Variants in RUNX2 observed in about 807,000 individuals in gnomAD.
RUNX2 encodes the protein RUNX family transcription factor 2.
A neutral mutation model predicts 51.7 loss-of-function variants in RUNX2; 10 were observed. That is an observed-to-expected ratio of 0.19 (90% confidence interval 0.12 to 0.33). The LOEUF is 0.33. RUNX2 is among the 10% of genes least tolerant of loss of function. RUNX2 has a pLI of 1.00. For synonymous variants in RUNX2, 276 were observed against 273.6 expected, an observed-to-expected ratio of 1.01 and a Z score of -0.09; for missense variants, 562 against 691.3, an observed-to-expected ratio of 0.81 and a Z score of 2.10.
rs541492192 is a variant in RUNX2, at chr6:45,432,188, G to A, written c.580+169G>A. On this transcript the variant is annotated intron_variant, in intron 4 of 8. Coordinates refer to ENST00000647337, the MANE Select transcript of RUNX2 (RefSeq NM_001024630.4). ...GTTGAGTGTTTTTCTGAGTACTCAG[G>A]CCTTTTTCATTTATTTTATGATATT... 2.9e-4 allele frequency among the ~76,000 whole-genome samples: 44 copies of A among 152,198 alleles called. 1 individual carries two copies. The South Asian group carries it at 5.8e-3, about 20-fold the overall frequency.
chr6:45,443,934 T>C (rs1798914737), intron 5 of RUNX2, among the ~76,000 whole-genome samples: 1 of 152,136 alleles, frequency 6.6e-6, no homozygotes, highest in Non-Finnish European at 1.5e-5. Flanking sequence ...CACTGCAACC[T>C]CCATCTTCCA....
chr6:45,404,345 T>G (rs937002660), intron 2 of RUNX2, among the ~76,000 whole-genome samples: 1 of 150,738 alleles, frequency 6.6e-6, no homozygotes, highest in Non-Finnish European at 1.5e-5. Flanking sequence ...CATAAGAATC[T>G]GCAAGTGCAA....
chr6:45,508,049 T>G (rs1168416235), intron 6 of RUNX2, among the ~76,000 whole-genome samples: 10 of 152,126 alleles, frequency 6.6e-5, no homozygotes, highest in African/African-American at 2.4e-4. Flanking sequence ...TCACACAGTC[T>G]GGAAATGGTG....
Position 45,549,104 on chromosome 6 carries a change from A to G in RUNX2, c.*1799A>G, listed in dbSNP as rs1380192289. The G allele has an allele frequency of 5.0e-6, 2 of 398,438 alleles. No individual in the cohort carries two copies. 24.7% of individuals were successfully genotyped at this position (398,438 alleles called of 1,614,324 possible). On this transcript the variant is annotated 3_prime_UTR_variant, in exon 9 of 9. Coordinates refer to ENST00000647337, the MANE Select transcript of RUNX2 (RefSeq NM_001024630.4). Reference sequence around the variant, plus strand: ...GAGCTAGAGTCCTTCTGTGGCATGCACTTTGACCACTCCTGGCAGTCACAT... The same window carrying G: ...GAGCTAGAGTCCTTCTGTGGCATGCGCTTTGACCACTCCTGGCAGTCACAT...
chr6:45,328,572 T>G (rs1330349051), intron 1 of RUNX2, 89 bp from the exon 2 acceptor site: 3 of 1,580,624 alleles, frequency 1.9e-6, no homozygotes, highest in Non-Finnish European at 2.6e-6. Context: ...CTACATAATT[T>G]CTTGACAGAA....
chr6:45,328,843 G>C, intron 2 of RUNX2, 59 bp downstream of exon 2: 1 of 1,533,920 alleles, frequency 6.5e-7, no homozygotes, highest in South Asian at 1.1e-5. Flanking sequence ...ATAAAGGTAT[G>C]ATTCTTTGAT....
At chr6:45,329,246 T>C (rs142729645) in intron 2 of RUNX2, among the ~76,000 whole-genome samples, 282 of 152,094 alleles carry the variant, frequency 1.9e-3, no homozygotes, top group African/African-American at 6.5e-3. Flanking sequence ...TGGTCTACCA[T>C]GTATAACACA....
At chr6:45,418,361 T>C (rs1305809517) in intron 2 of RUNX2, among the ~76,000 whole-genome samples, 1 of 151,690 alleles carries the variant, frequency 6.6e-6, no homozygotes, top group Non-Finnish European at 1.5e-5. Context: ...TTAAAGGACA[T>C]GGTAGGGAGT....
chr6:45,515,531 G>C (rs1433251105), intron 7 of RUNX2, among the ~76,000 whole-genome samples: 1 of 152,116 alleles, frequency 6.6e-6, no homozygotes, highest in Non-Finnish European at 1.5e-5. Flanking sequence ...AGTCAAATTA[G>C]ATTAGATAAA....
intron 8 of RUNX2, among the ~76,000 whole-genome samples, chr6:45,546,259 A>C: frequency 6.6e-6 from 1 of 152,174 alleles, no homozygotes; most frequent in Non-Finnish European, 1.5e-5. Context: ...ACTGTTGCTA[A>C]GATGAGACCT....
chr6:45,504,440 C>T (rs1800896509), intron 6 of RUNX2, among the ~76,000 whole-genome samples: 1 of 152,154 alleles, frequency 6.6e-6, no homozygotes, highest in Non-Finnish European at 1.5e-5. Flanking sequence ...CAAGCCTGCA[C>T]AGTTAGTGCC....
chr6:45,342,807 A>G (rs1790081268), intron 2 of RUNX2, among the ~76,000 whole-genome samples: 1 of 152,188 alleles, frequency 6.6e-6, no homozygotes, highest in Non-Finnish European at 1.5e-5. Flanking sequence ...CAATGTTTTT[A>G]ATTTTTCATG....
chr6:45,540,771 T>C (rs904804962), intron 7 of RUNX2, among the ~76,000 whole-genome samples: 2 of 152,074 alleles, frequency 1.3e-5, no homozygotes, highest in Non-Finnish European at 2.9e-5. Flanking sequence ...TTCCCCTTCA[T>C]CTAGTCTCCC....
At chr6:45,433,619 C>T (rs2150369194) in intron 4 of RUNX2, among the ~76,000 whole-genome samples, 1 of 151,988 alleles carries the variant, frequency 6.6e-6, no homozygotes, top group East Asian at 1.9e-4. Context: ...TGCTGCATAA[C>T]TTTTTTCTGA....
intron 4 of RUNX2, among the ~76,000 whole-genome samples, chr6:45,435,657 C>T (rs188260173): frequency 6.6e-5 from 10 of 152,276 alleles, no homozygotes; most frequent in South Asian, 2.1e-4. Flanking sequence ...CGCGCCCAGC[C>T]GACAATCTTT....
intron 2 of RUNX2, among the ~76,000 whole-genome samples, chr6:45,334,868 C>T (rs562336257): frequency 2.3e-4 from 35 of 151,250 alleles, no homozygotes; most frequent in South Asian, 2.1e-4. Flanking sequence ...AAACCAGTAA[C>T]AGGGATTAGG....
rs10677574 is a variant in RUNX2 at position 45,485,697 on chromosome 6, G to GTATATATATATATA, written c.686-6237_686-6224dup. Among the ~76,000 whole-genome samples the GTATATATATATATA allele has an allele frequency of 5.8e-3, 603 of 103,996 alleles. 12 individuals carry two copies. The highest frequency in any genetic ancestry group is 0.022 in the African/African-American group (574 of 26,232). The allele number at this position is 103,996 out of a possible 152,430, so 68.2% of individuals were successfully genotyped here. A position where few individuals can be genotyped will look rare whatever the true frequency, so the allele number is the denominator to read the frequency against. On this transcript the variant is annotated intron_variant, in intron 5 of 8. Coordinates refer to ENST00000647337, the MANE Select transcript of RUNX2 (RefSeq NM_001024630.4). The stretch of plus-strand genomic sequence containing the variant: ...TATGTGTGTGTGTGTGTGTGTGTGT[G>GTATATATATATATA]TATATATATATATATATATACACAT...
intron 2 of RUNX2, among the ~76,000 whole-genome samples, chr6:45,411,161 C>A (rs369193792): frequency 1.3e-5 from 2 of 152,090 alleles, no homozygotes; most frequent in African/African-American, 4.8e-5. Flanking sequence ...TTGAGTAACT[C>A]ATATTAAAAT....
chr6:45,534,661 C>T (rs1801976161), intron 7 of RUNX2, among the ~76,000 whole-genome samples: 1 of 152,166 alleles, frequency 6.6e-6, no homozygotes, highest in Admixed American at 6.5e-5. Flanking sequence ...CCTGAACCCT[C>T]TCAGGTAAAC....
Sources: allele counts gnomAD v4.1 joint callset (sites outside exome capture counted in the v4.1 genomes callset), GRCh38; gene constraint gnomAD v4.1.1; transcripts MANE v1.5; gene names NCBI Gene and HGNC (gene_info 2026-07-23, HGNC 2026-07-21).